Variants in NEMF observed in about 807,000 individuals in gnomAD.
NEMF encodes ribosome quality control complex subunit NEMF.
In NEMF, 89 loss-of-function variants were observed where a neutral mutation model predicts 162.2. That is an observed-to-expected ratio of 0.55 (90% confidence interval 0.46 to 0.65). The LOEUF (loss-of-function observed/expected upper bound fraction) is 0.65, where lower values mean the gene tolerates loss of function less well. NEMF is among the 30% of genes least tolerant of loss of function. NEMF has a pLI of 0.00. For missense variants in NEMF, 1,133 were observed against 1,261.9 expected (o/e 0.90, Z 1.55); for synonymous variants, 421 against 404.5 (o/e 1.04, Z -0.49).
intron 3 of NEMF, among the ~76,000 whole-genome samples, chr14:49,848,742 C>T (rs547738508): frequency 8.1e-4 from 120 of 147,258 alleles, no homozygotes; most frequent in Non-Finnish European, 1.4e-3. Context: ...GGCTGAGACA[C>T]GAGAATCACT....
intron 6 of NEMF, among the ~76,000 whole-genome samples, chr14:49,834,870 T>C (rs1033605599): frequency 1.3e-5 from 2 of 152,166 alleles, no homozygotes; most frequent in African/African-American, 4.8e-5. Context: ...AAACAATAAG[T>C]TTACTTATTT....
intron 18 of NEMF, among the ~76,000 whole-genome samples, chr14:49,808,194 G>C (rs548166144): frequency 5.5e-4 from 83 of 151,916 alleles, no homozygotes; most frequent in African/African-American, 1.9e-3. Flanking sequence ...TATTTTTTGA[G>C]ACAGAATTTC....
At chr14:49,805,626 A>G (rs7144278) in intron 19 of NEMF, among the ~76,000 whole-genome samples, 142,927 of 151,970 alleles carry the variant, frequency 0.94, 67,839 homozygotes, top group Non-Finnish European at 1. Context: ...GAAGTGCCCA[A>G]GAGAATTCAG....
rs1433318508 is a variant in NEMF, at chr14:49,834,245, T to A, written c.661+118A>T. 6.0e-6 allele frequency: 4 copies of A among 664,262 alleles called. No homozygotes were observed. In the East Asian group the frequency reaches 1.2e-4, roughly 19 times the overall value. The allele number at this position is 664,262 out of a possible 1,614,324, so 41.1% of individuals were successfully genotyped here. A position where few individuals can be genotyped will look rare whatever the true frequency, so the allele number is the denominator to read the frequency against. The stretch of plus-strand genomic sequence containing the variant: ...TGCTGGGATTGCAGGCATGAGCCAG[T>A]GTGCCTGGTCAAATGTTTTTCATTC... On this transcript the variant is annotated intron_variant, in intron 7 of 32. Transcript: ENST00000298310.
At chr14:49,848,478 G>A (rs1419389999) in intron 3 of NEMF, among the ~76,000 whole-genome samples, 1 of 152,022 alleles carries the variant, frequency 6.6e-6, no homozygotes, top group African/African-American at 2.4e-5. Context: ...TCTTACAATT[G>A]TTTCTAATTT....
At chr14:49,787,074 C>T (rs931560555) in intron 28 of NEMF, 1 of 201,288 alleles carries the variant, frequency 5.0e-6, no homozygotes, top group Non-Finnish European at 1.0e-5. Context: ...TTTAAAATGA[C>T]AACTAAGGTT....
chr14:49,799,275 A>G (rs1890844233), intron 25 of NEMF, among the ~76,000 whole-genome samples, 200 bp downstream of exon 25: 1 of 147,118 alleles, frequency 6.8e-6, no homozygotes, highest in Non-Finnish European at 1.5e-5. Context: ...GGTCTATTTC[A>G]TTGATTATAG....
intron 18 of NEMF, among the ~76,000 whole-genome samples, chr14:49,813,157 A>G (rs2139900011): frequency 6.6e-6 from 1 of 152,278 alleles, no homozygotes; most frequent in South Asian, 2.1e-4. Context: ...AGCACCCCAA[A>G]CCTGAAAATC....
intron 7 of NEMF, 43 bp from the exon 8 acceptor site, chr14:49,833,539 G>A (rs1344342646): frequency 7.5e-7 from 1 of 1,328,648 alleles, no homozygotes; most frequent in African/African-American, 1.5e-5. Context: ...TGCCAATCAA[G>A]TGTCAATTAA....
intron 28 of NEMF, among the ~76,000 whole-genome samples, chr14:49,787,979 C>G (rs192484311): frequency 1.3e-5 from 2 of 151,974 alleles, no homozygotes; most frequent in East Asian, 3.9e-4. Context: ...TATTTTAAGC[C>G]GTTATTAAAA....
At chr14:49,810,212 C>CA (rs1356434793) in intron 18 of NEMF, among the ~76,000 whole-genome samples, 1 of 151,338 alleles carries the variant, frequency 6.6e-6, no homozygotes, top group African/African-American at 2.4e-5. Context: ...ACTAAAAATA[C>CA]AAAAAATTAG....
chr14:49,850,441 G>C (rs150644309), intron 3 of NEMF, among the ~76,000 whole-genome samples: 187 of 152,188 alleles, frequency 1.2e-3, no homozygotes, highest in African/African-American at 4.3e-3. Flanking sequence ...TCATGAAGGA[G>C]GTACTATCCA....
intron 16 of NEMF, 76 bp downstream of exon 16, chr14:49,825,791 T>C (rs779109333): frequency 1.0e-6 from 1 of 987,060 alleles, no homozygotes; most frequent in Non-Finnish European, 1.5e-6. Context: ...GTAGAACTGT[T>C]TGACTTTTCT....
intron 26 of NEMF, among the ~76,000 whole-genome samples, chr14:49,790,717 C>T (rs368548269): frequency 5.9e-5 from 9 of 152,248 alleles, no homozygotes; most frequent in African/African-American, 1.7e-4. Context: ...GGGTCTGGCA[C>T]GGTGGCTCAC....
intron 20 of NEMF, 63 bp from the exon 21 acceptor site, chr14:49,802,790 A>G: frequency 7.7e-7 from 1 of 1,301,262 alleles, no homozygotes; most frequent in Non-Finnish European, 1.1e-6. Context: ...TGCTTGTAAA[A>G]CAAAAAAAAA....
chr14:49,843,127 G>C (rs1893298960), intron 4 of NEMF, among the ~76,000 whole-genome samples: 1 of 152,120 alleles, frequency 6.6e-6, no homozygotes, highest in Non-Finnish European at 1.5e-5. Context: ...AGCTCTAAGA[G>C]ATCATATCAA....
Position 49,786,521 on chromosome 14 carries a change from G to A in NEMF, c.2928+197C>T. 8.6e-6 allele frequency: 5 copies of A among 578,320 alleles called. No individual in the cohort carries two copies. In the South Asian group the frequency reaches 9.1e-5, roughly 11 times the overall value. The allele number at this position is 578,320 out of a possible 1,614,324, so 35.8% of individuals were successfully genotyped here. A position where few individuals can be genotyped will look rare whatever the true frequency, so the allele number is the denominator to read the frequency against. On this transcript the variant is annotated intron_variant, in intron 29 of 32. Transcript: ENST00000298310. ...ACATTATCCCCATTCTTCAGATGAG[G>A]AAACTGAGGCACAAAGAATGTTTCC...
At position 49,789,586 on chromosome 14, in the gene NEMF, A is replaced by C; in HGVS notation, c.2620-13T>G. On this transcript the variant is annotated splice_polypyrimidine_tract_variant and intron_variant, in intron 26 of 32. Transcript: ENST00000298310. ...TTTTCATTTTACTCTACAAAATCAG[A>C]AGATTTTGGTTGGAAATATTCAGCA... is the stretch of plus-strand genomic sequence containing the variant. 1.9e-6 allele frequency: 3 copies of C among 1,602,282 alleles called. No homozygotes were observed. Among genetic ancestry groups the C allele is most frequent in the Non-Finnish European group, 2.5e-6 (3 of 1,177,446 alleles).
At chr14:49,847,367 C>T (rs1893554951) in intron 3 of NEMF, among the ~76,000 whole-genome samples, 1 of 151,804 alleles carries the variant, frequency 6.6e-6, no homozygotes, top group East Asian at 1.9e-4. Flanking sequence ...CCACGCCTGG[C>T]TAATTTTTTG....
Sources: allele counts gnomAD v4.1 joint callset (sites outside exome capture counted in the v4.1 genomes callset), GRCh38; gene constraint gnomAD v4.1.1; transcripts MANE v1.5; gene names NCBI Gene and HGNC (gene_info 2026-07-23, HGNC 2026-07-21).